The following CCDC18 variants were observed in gnomAD, a reference collection of about 807,000 sequenced individuals.
CCDC18 encodes the protein coiled-coil domain containing 18.
Under a neutral mutation model 196.0 loss-of-function variants are expected in CCDC18, and 157 were observed. That is an observed-to-expected ratio of 0.80 (90% CI 0.70 to 0.91). The LOEUF (loss-of-function observed/expected upper bound fraction) is 0.91. Ranked by LOEUF, CCDC18 falls within the 40% of genes least tolerant of loss-of-function variation. The probability of loss-of-function intolerance (pLI) is 0.00; values close to 1 mark genes in which losing one functional copy is unlikely to be tolerated. For synonymous variants in CCDC18, 482 were observed against 529.2 expected (o/e 0.91, Z 1.22); for missense variants, 1,465 against 1,611.6 (o/e 0.91, Z 1.56).
At chr1:93,217,945 T>TGTCCTCGTCTACAA in intron 14 of CCDC18, 76 bp downstream of exon 14, 1 of 1,233,120 alleles carries the variant, frequency 8.1e-7, no homozygotes, top group Non-Finnish European at 1.1e-6. Flanking sequence ...TTTTATTTTG[T>TGTCCTCGTCTACAA]AGACGAGGAC....
At position 93,183,963 on chromosome 1, in the gene CCDC18, T is replaced by C; in HGVS notation, c.135-15T>C. The C allele has an allele frequency of 2.1e-6, 3 of 1,457,636 alleles. No individual in the cohort carries two copies. The highest frequency in any genetic ancestry group is 2.8e-6 in the Non-Finnish European group (3 of 1,090,786). 90.3% of individuals were successfully genotyped at this position (1,457,636 alleles called of 1,614,324 possible). A position where few individuals can be genotyped will look rare whatever the true frequency, so the allele number is the denominator to read the frequency against. On this transcript the variant is annotated splice_polypyrimidine_tract_variant and intron_variant, in intron 2 of 28. Coordinates refer to ENST00000690025, the MANE Select transcript of CCDC18 (RefSeq NM_001378204.1). ...CTATCCAAGAACTGAAATATGTTTT[T>C]TCTTTTTTCTCTAGTGTTAGTCCAA... is the stretch of plus-strand genomic sequence containing the variant.
chr1:93,198,723 C>A (rs927021272), intron 6 of CCDC18, among the ~76,000 whole-genome samples: 2 of 152,138 alleles, frequency 1.3e-5, no homozygotes, highest in African/African-American at 4.8e-5. Context: ...TCATGGCTCA[C>A]AGTAGCTCCC....
intron 5 of CCDC18, among the ~76,000 whole-genome samples, chr1:93,193,208 A>C (rs910063936): frequency 2.6e-5 from 4 of 152,200 alleles, no homozygotes; most frequent in Admixed American, 1.3e-4. Context: ...AAAGAAAGAA[A>C]GAAAAAAAAT....
chr1:93,193,298 A>C (rs1046100673), intron 5 of CCDC18, among the ~76,000 whole-genome samples: 11 of 152,142 alleles, frequency 7.2e-5, no homozygotes, highest in African/African-American at 2.7e-4. Flanking sequence ...CTGTCAGAAA[A>C]GTTGTTGGAT....
At chr1:93,253,148 T>G (rs1662488541) in intron 23 of CCDC18, among the ~76,000 whole-genome samples, 1 of 152,182 alleles carries the variant, frequency 6.6e-6, no homozygotes, top group Admixed American at 6.5e-5. Context: ...GGGGCACACA[T>G]AGCCCAGCAA....
At chr1:93,262,845 G>A (rs537212578) in intron 26 of CCDC18, among the ~76,000 whole-genome samples, 46 of 152,132 alleles carry the variant, frequency 3.0e-4, no homozygotes, top group Non-Finnish European at 5.4e-4. Context: ...CTCCATGAGG[G>A]CTCCACCTCC....
At chr1:93,183,652 A>T (rs750828689) in intron 2 of CCDC18, among the ~76,000 whole-genome samples, 157 bp downstream of exon 2, 9 of 152,080 alleles carry the variant, frequency 5.9e-5, no homozygotes, top group Non-Finnish European at 1.2e-4. Context: ...AGGGAAAAAT[A>T]AGGAATATTA....
chr1:93,237,054 T>C (rs1404589350), intron 19 of CCDC18, among the ~76,000 whole-genome samples: 1 of 152,146 alleles, frequency 6.6e-6, no homozygotes, highest in Non-Finnish European at 1.5e-5. Flanking sequence ...AGCCCACCCT[T>C]CTACCAACAG....
chr1:93,207,490 A>G, intron 9 of CCDC18, 92 bp downstream of exon 9: 2 of 913,956 alleles, frequency 2.2e-6, no homozygotes. Flanking sequence ...ATTAGCTTCT[A>G]ATTTCTTTTT....
chr1:93,227,890 C>T lies in CCDC18; in HGVS notation c.2292+1441C>T, dbSNP rs146778773. 5.8e-3 allele frequency among the ~76,000 whole-genome samples: 862 copies of T among 147,636 alleles called. 11 individuals carry two copies. Among genetic ancestry groups the T allele is most frequent in the African/African-American group, 0.021 (831 of 39,798 alleles). On this transcript the variant is annotated intron_variant, in intron 17 of 28. Transcript: ENST00000690025. ...GGAGGATCACTTGAGCCTAGGAGGT[C>T]GAGGCTGCAGTGAGCTGTGATCACG...
intron 11 of CCDC18, 151 bp from the exon 12 acceptor site, chr1:93,214,592 G>C (rs1656186407): frequency 3.5e-6 from 2 of 566,466 alleles, no homozygotes; most frequent in Non-Finnish European, 3.1e-6. Context: ...CTTATTCTTT[G>C]ATTTCCTTAA....
At chr1:93,267,270 TAGG>T in intron 27 of CCDC18, among the ~76,000 whole-genome samples, 1 of 152,048 alleles carries the variant, frequency 6.6e-6, no homozygotes, top group East Asian at 1.9e-4. Flanking sequence ...ACTCTCAAAC[TAGG>T]TATTGATGGG....
At chr1:93,244,964 G>C (rs1330322920) in intron 21 of CCDC18, among the ~76,000 whole-genome samples, 1 of 152,104 alleles carries the variant, frequency 6.6e-6, no homozygotes, top group African/African-American at 2.4e-5. Context: ...CCACTCTAAA[G>C]TAGCCACCCA....
intron 14 of CCDC18, among the ~76,000 whole-genome samples, chr1:93,218,363 T>C (rs986620056): frequency 1.3e-5 from 2 of 152,216 alleles, no homozygotes; most frequent in Admixed American, 1.3e-4. Flanking sequence ...ATACCTATTA[T>C]AAAGCTTAAT....
intron 8 of CCDC18, 64 bp from the exon 9 acceptor site, chr1:93,207,039 TTAAA>T (rs1314659283): frequency 4.5e-6 from 4 of 888,646 alleles, no homozygotes; most frequent in Non-Finnish European, 1.6e-6. Flanking sequence ...AAAAGTGAGA[TTAAA>T]TAAATATGAT....
At chr1:93,271,824 C>T (rs905249166) in intron 28 of CCDC18, among the ~76,000 whole-genome samples, 18 of 152,156 alleles carry the variant, frequency 1.2e-4, no homozygotes, top group African/African-American at 4.1e-4. Flanking sequence ...TTAGTATCCT[C>T]TTTTTCTTCA....
intron 23 of CCDC18, among the ~76,000 whole-genome samples, chr1:93,253,973 TTTTTA>T (rs889722561): frequency 1.3e-4 from 20 of 152,178 alleles, no homozygotes; most frequent in Admixed American, 2.6e-4. Flanking sequence ...CAGGATTCTT[TTTTTA>T]TTTTATTTTA....
At chr1:93,209,542 T>C (rs1015570765) in intron 9 of CCDC18, among the ~76,000 whole-genome samples, 2 of 152,206 alleles carry the variant, frequency 1.3e-5, no homozygotes, top group Non-Finnish European at 2.9e-5. Context: ...GATTCAATAC[T>C]ATTTTATTGG....
chr1:93,239,439 G>T lies in CCDC18; in HGVS notation c.2733G>T (p.Gln911His), dbSNP rs750984971. 6.2e-7 allele frequency: 1 copy of T among 1,611,482 alleles called. No individual in the cohort carries two copies. The highest frequency in any genetic ancestry group is 1.1e-5 in the South Asian group (1 of 90,778). The change falls in exon 20 of 29, where the codon CAG becomes CAT. Residue 911 changes from glutamine to histidine, a missense_variant. By Grantham distance (24) the Gln-to-His change is conservative. Transcript: ENST00000690025. ...HLSQLDMILD[Q>H]TKTELEKKTN... ...CTCAATTAGATATGATCTTAGATCAGACAAAGACAGAGCTAGAAAAGAAAA... is the reference window on the plus strand; with the variant it reads ...CTCAATTAGATATGATCTTAGATCATACAAAGACAGAGCTAGAAAAGAAAA...
Sources: allele counts gnomAD v4.1 joint callset (sites outside exome capture counted in the v4.1 genomes callset), GRCh38; gene constraint gnomAD v4.1.1; transcripts MANE v1.5; gene names NCBI Gene and HGNC (gene_info 2026-07-23, HGNC 2026-07-21).